BAG6: variants seen among roughly 807,000 people sequenced by gnomAD.
BAG6 encodes the protein BAG cochaperone 6, also known as large proline-rich protein BAG6.
In BAG6, 22 loss-of-function variants were observed where a neutral mutation model predicts 121.0. That is an observed-to-expected ratio of 0.18 (90% CI 0.13 to 0.26). BAG6 has a LOEUF of 0.26. Ranked by LOEUF, BAG6 falls within the 10% of genes least tolerant of loss-of-function variation. The pLI, the probability that BAG6 is intolerant of heterozygous loss-of-function variation, is 1.00. For synonymous variants in BAG6, 583 were observed against 584.6 expected (o/e 1.00, Z 0.04); for missense variants, 1,233 against 1,537.7 (o/e 0.80, Z 3.31).
chr6:31,647,149 C>G, intron 7 of BAG6, among the ~76,000 whole-genome samples: 1 of 151,832 alleles, frequency 6.6e-6, no homozygotes, highest in Non-Finnish European at 1.5e-5. Context: ...GTGATCTGCC[C>G]GCCTCTGCCT....
At chr6:31,642,780 C>G (rs1486774640) in intron 15 of BAG6, 49 bp downstream of exon 15, 10 of 1,593,566 alleles carry the variant, frequency 6.3e-6, no homozygotes, top group Non-Finnish European at 7.7e-6. Flanking sequence ...CACTGCCTGG[C>G]TGGGCCGGGG....
chr6:31,646,645 T>TCTG, intron 7 of BAG6, 122 bp from the exon 8 acceptor site: 1 of 1,284,776 alleles, frequency 7.8e-7, no homozygotes, highest in Non-Finnish European at 1.0e-6. Flanking sequence ...CCAATCCTTC[T>TCTG]CTGGACCAGC....
rs1282385999 is a variant in BAG6 at position 31,640,135 on chromosome 6, T to C, written c.3246+64A>G. ...AGAGCTCCCACCATCTCTACATAGT[T>C]TGATTCCAGGCATGACGGGGAAACC... On this transcript the variant is annotated intron_variant, in intron 24 of 25. Coordinates refer to ENST00000676615, the MANE Select transcript of BAG6 (RefSeq NM_001387994.1). The surrounding 1 kb of genome is among the most constrained non-coding windows in gnomAD (Gnocchi z 4.2). 3 of 1,519,348 alleles carry C rather than the reference T, an allele frequency of 2.0e-6. No individual in the cohort carries two copies. The highest frequency in any genetic ancestry group is 2.7e-6 in the Non-Finnish European group (3 of 1,097,078). 94.1% of individuals were successfully genotyped at this position (1,519,348 alleles called of 1,614,324 possible). A position where few individuals can be genotyped will look rare whatever the true frequency, so the allele number is the denominator to read the frequency against.
chr6:31,650,745 T>C (rs1037195001), intron 2 of BAG6, among the ~76,000 whole-genome samples: 10 of 151,962 alleles, frequency 6.6e-5, no homozygotes, highest in African/African-American at 2.4e-4. Flanking sequence ...AGTATTTATA[T>C]ACATCTAATC....
Position 31,640,254 on chromosome 6 carries a change from G to A in BAG6, c.3191C>T (p.Pro1064Leu), listed in dbSNP as rs140224743. ...QDIQSQRKVKPQPPLSDAYLS... is the reference protein window; with the variant it reads ...QDIQSQRKVKLQPPLSDAYLS... ...GTAGGCATCACTCAGAGGGGGCTGCGGTTTCACCTTCCGCTGGCTCTGAAT... is the reference window on the plus strand; with the variant it reads ...GTAGGCATCACTCAGAGGGGGCTGCAGTTTCACCTTCCGCTGGCTCTGAAT... Residue 1064 changes from proline to leucine, a missense_variant, in exon 24 of 26, where the codon CCG (proline) becomes CTG (leucine). Physicochemically the swap from Pro to Leu is moderately conservative, Grantham distance 98. This residue lies in a region of BAG6 where 288 missense variants were observed against 483.1 expected (regional missense o/e 0.60). Transcript: ENST00000676615. The surrounding 1 kb of genome is among the most constrained non-coding windows in gnomAD (Gnocchi z 4.2). The A allele has an allele frequency of 5.2e-4, 833 of 1,614,212 alleles. No individual in the cohort carries two copies. Among genetic ancestry groups the A allele is most frequent in the Non-Finnish European group, 5.6e-4 (655 of 1,180,036 alleles).
In BAG6 at chr6:31,639,075, G is replaced by T; in HGVS notation, c.*56C>A. ...ATCCGACTTTTATTTCTTAAATACTGTGAAGGAAGAGGGGGGAAACGGTCC... is the reference window on the plus strand; with the variant it reads ...ATCCGACTTTTATTTCTTAAATACTTTGAAGGAAGAGGGGGGAAACGGTCC... On this transcript the variant is annotated 3_prime_UTR_variant, in exon 26 of 26. Coordinates refer to ENST00000676615, the MANE Select transcript of BAG6 (RefSeq NM_001387994.1). 1 of 1,442,910 alleles carries T rather than the reference G, an allele frequency of 6.9e-7. No individual in the cohort carries two copies. The highest frequency in any genetic ancestry group is 2.3e-5 in the East Asian group (1 of 43,164). 89.4% of individuals were successfully genotyped at this position (1,442,910 alleles called of 1,614,324 possible). A position where few individuals can be genotyped will look rare whatever the true frequency, so the allele number is the denominator to read the frequency against.
Position 31,645,715 on chromosome 6 carries a change from G to A in BAG6, c.919-111C>T, listed in dbSNP as rs1208324207. 87 of 1,333,614 alleles carry A rather than the reference G, an allele frequency of 6.5e-5. No individual in the cohort carries two copies. In the East Asian group the frequency reaches 2.1e-3, roughly 33 times the overall value. 82.6% of individuals were successfully genotyped at this position (1,333,614 alleles called of 1,614,324 possible). On this transcript the variant is annotated intron_variant, in intron 8 of 25. Transcript: ENST00000676615. ...AATACCATGTCCTCCAAAACTTTCA[G>A]TTATATCCTTGGAAGTTTACATGTA...
In BAG6 at chr6:31,640,633, T is replaced by C; in HGVS notation, c.2994+12A>G. ...ATTATCTGGCCCCTCAACCTCCCCCTCTCTAGAGTACCTGAGGCTCAGGGG... is the reference window on the plus strand; with the variant it reads ...ATTATCTGGCCCCTCAACCTCCCCCCCTCTAGAGTACCTGAGGCTCAGGGG... On this transcript the variant is annotated intron_variant, in intron 22 of 25. Transcript: ENST00000676615. The surrounding 1 kb of genome is among the most constrained non-coding windows in gnomAD (Gnocchi z 4.2). The C allele has an allele frequency of 1.2e-6, 2 of 1,612,692 alleles. No individual in the cohort carries two copies. The highest frequency in any genetic ancestry group is 1.7e-6 in the Non-Finnish European group (2 of 1,179,884).
chr6:31,649,886 T>C (rs1331792308), intron 2 of BAG6, among the ~76,000 whole-genome samples: 2 of 151,538 alleles, frequency 1.3e-5, no homozygotes, highest in Admixed American at 6.6e-5. Context: ...CAGATCACAT[T>C]AGGTCAGGAG....
intron 14 of BAG6, 142 bp downstream of exon 14, chr6:31,643,748 C>CAAAAAAAAAAAAAAA (rs1785542894): frequency 3.6e-6 from 1 of 275,204 alleles, no homozygotes; most frequent in Non-Finnish European, 6.1e-6. Context: ...AAAAAAAAAG[C>CAAAAAAAAAAAAAAA]TGAAACCTGA....
rs771052511 is a variant in BAG6, at chr6:31,640,248, G to A, written c.3197C>T (p.Pro1066Leu). ...ACTGAGGTAGGCATCACTCAGAGGG[G>A]GCTGCGGTTTCACCTTCCGCTGGCT... is the stretch of plus-strand genomic sequence containing the variant. ...IQSQRKVKPQPPLSDAYLSGM... is the reference protein window; with the variant it reads ...IQSQRKVKPQLPLSDAYLSGM... Residue 1066 changes from proline (P) to leucine (L), a missense_variant, in exon 24 of 26, where the codon CCC becomes CTC. Physicochemically the swap from Pro to Leu is moderately conservative, Grantham distance 98 (BLOSUM62 -3). Coordinates refer to ENST00000676615, the MANE Select transcript of BAG6 (RefSeq NM_001387994.1). The surrounding 1 kb of genome is among the most constrained non-coding windows in gnomAD (Gnocchi z 4.2). The A allele has an allele frequency of 3.1e-6, 5 of 1,614,088 alleles. No individual in the cohort carries two copies. Among genetic ancestry groups the A allele is most frequent in the African/African-American group, 1.3e-5 (1 of 74,924 alleles).
chr6:31,650,258 A>C (rs1229403709), intron 2 of BAG6, among the ~76,000 whole-genome samples: 1 of 152,186 alleles, frequency 6.6e-6, no homozygotes. Flanking sequence ...TTCCAAACAC[A>C]AGATGATACC....
Position 31,651,736 on chromosome 6 carries a change from C to T in BAG6, c.28G>A (p.Ala10Thr), listed in dbSNP as rs146322345. 1.8e-5 allele frequency: 29 copies of T among 1,613,016 alleles called. No homozygotes were observed. Among genetic ancestry groups the T allele is most frequent in the Non-Finnish European group, 2.5e-5 (29 of 1,180,026 alleles). Reference protein sequence around the residue: MEPNDSTSTAVEEPDSLEVL... With the variant: MEPNDSTSTTVEEPDSLEVL... ...TCCAAGCTGTCAGGCTCCTCCACAG[C>T]GGTACTGGTACTATCATTAGGCTCC... Residue 10 changes from alanine to threonine, a missense_variant, in exon 2 of 26, where the codon GCT becomes ACT. Coordinates refer to ENST00000676615, the MANE Select transcript of BAG6 (RefSeq NM_001387994.1).
At chr6:31,652,204 T>A in intron 1 of BAG6, 1 of 180,956 alleles carries the variant, frequency 5.5e-6, no homozygotes, top group South Asian at 1.1e-4. Flanking sequence ...CGAACCCTCC[T>A]AACTCACTAT....
Position 31,645,096 on chromosome 6 carries a change from C to A in BAG6, c.1219G>T (p.Val407Leu), listed in dbSNP as rs935551131. ...PPPGPGQASS[V>L]APSSTNVESS... ...TCGACATTGGTAGAAGACGGAGCCA[C>A]GGATGAGGCCTGCCCAGGACCAGGG... The change falls in exon 10 of 26, where the codon GTG becomes TTG. Residue 407 changes from valine to leucine, a missense_variant. Coordinates refer to ENST00000676615, the MANE Select transcript of BAG6 (RefSeq NM_001387994.1). 2 of 1,612,970 alleles carry A rather than the reference C, an allele frequency of 1.2e-6. No homozygotes were observed. The highest frequency in any genetic ancestry group is 1.7e-6 in the Non-Finnish European group (2 of 1,180,018).
intron 2 of BAG6, 61 bp from the exon 3 acceptor site, chr6:31,649,688 A>C (rs2150998794): frequency 6.8e-7 from 1 of 1,472,722 alleles, no homozygotes; most frequent in African/African-American, 1.4e-5. Flanking sequence ...GAACAAAGAC[A>C]GACAACCGAG....
chr6:31,649,579 G>A lies in BAG6; in HGVS notation c.157C>T (p.Pro53Ser), dbSNP rs776884196. 9.9e-6 allele frequency: 16 copies of A among 1,614,118 alleles called. No individual in the cohort carries two copies. The highest frequency in any genetic ancestry group is 1.4e-5 in the Non-Finnish European group (16 of 1,180,044). ...TAAATGAGCCGTTGTTTTTCAGATG[G>A]GATGCTGACAGAGGCAGCAATGTGC... The part of the protein sequence containing the change: ...KEHIAASVSI[P>S]SEKQRLIYQG... Residue 53 changes from proline to serine, a missense_variant, in exon 3 of 26, where the codon CCA becomes TCA. By Grantham distance (74) the Pro-to-Ser change is moderately conservative. This residue lies in a region of BAG6 where 28 missense variants were observed against 24.5 expected (regional missense o/e 1.14). Transcript: ENST00000676615.
At chr6:31,651,439 T>C (rs1796608841) in intron 2 of BAG6, among the ~76,000 whole-genome samples, 1 of 151,972 alleles carries the variant, frequency 6.6e-6, no homozygotes. Flanking sequence ...CTCAGGAGGC[T>C]GAGATAGGAA....
chr6:31,652,322 C>CACAT (rs994911699), intron 1 of BAG6, 102 bp downstream of exon 1: 2 of 87,176 alleles, frequency 2.3e-5, no homozygotes, highest in Non-Finnish European at 4.0e-5. Context: ...CACAGCCAAA[C>CACAT]ACACACACAC....
Sources: allele counts gnomAD v4.1 joint callset (sites outside exome capture counted in the v4.1 genomes callset), GRCh38; gene constraint gnomAD v4.1.1; regional missense constraint gnomAD v4.1.1; non-coding constraint Gnocchi (gnomAD v3.1); transcripts MANE v1.5; gene names NCBI Gene and HGNC (gene_info 2026-07-23, HGNC 2026-07-21).